Variants in GLYATL1 observed in about 807,000 individuals in gnomAD.
GLYATL1 encodes the protein glycine-N-acyltransferase like 1.
A neutral mutation model predicts 20.0 loss-of-function variants in GLYATL1; 15 were observed. That is an observed-to-expected ratio of 0.75 (90% CI 0.50 to 1.15). The LOEUF is 1.15. GLYATL1 is among the 50% of genes most tolerant of loss of function. GLYATL1 has a pLI of 0.00. For missense variants in GLYATL1, 380 were observed against 368.5 expected (o/e 1.03, Z -0.26); for synonymous variants, 151 against 131.5 (o/e 1.15, Z -1.01).
chr11:58,910,492 C>G (rs953766228), downstream of GLYATL1, among the ~76,000 whole-genome samples: 1 of 152,098 alleles, frequency 6.6e-6, no homozygotes, highest in East Asian at 1.9e-4. Flanking sequence ...ATATCAAATA[C>G]TTAAGAAATA....
Position 58,955,232 on chromosome 11 carries a change from A to T in GLYATL1, c.370A>T (p.Lys124Ter). ...AGTGGCTACATTTTCAAAGTCAGTG[A>T]AAGTAGAGCATTCGAGAGCACTCCT... is the stretch of plus-strand genomic sequence containing the variant. ...IRVATFSKSV[K>*]VEHSRALLLV... Residue 124 changes from lysine (K) to a stop codon, truncating the protein, a stop_gained, in exon 6 of 7, where the codon AAA (lysine) becomes TAA (stop). Coordinates refer to ENST00000532726, the MANE Select transcript of GLYATL1 (RefSeq NM_001389712.2). LOFTEE classifies it high-confidence loss of function. The T allele has an allele frequency of 6.2e-7, 1 of 1,614,138 alleles. No homozygotes were observed. The highest frequency in any genetic ancestry group is 8.5e-7 in the Non-Finnish European group (1 of 1,179,988).
chr11:58,946,477 T>C (rs758321365), intron 2 of GLYATL1, among the ~76,000 whole-genome samples: 17 of 152,272 alleles, frequency 1.1e-4, no homozygotes, highest in Non-Finnish European at 1.8e-4. Context: ...TTCTGAATGA[T>C]ATTTCAACAA....
At chr11:58,931,151 T>C (rs1419511481) in intron 1 of GLYATL1, among the ~76,000 whole-genome samples, 1 of 152,224 alleles carries the variant, frequency 6.6e-6, no homozygotes, top group Non-Finnish European at 1.5e-5. Flanking sequence ...CTGTTGGTGC[T>C]GTGAGGGAAA....
chr11:58,956,232 C>A lies in GLYATL1; in HGVS notation c.*205C>A, dbSNP rs76354000. 1.3e-3 allele frequency: 777 copies of A among 578,776 alleles called. 3 individuals are homozygous for A. The African/African-American group carries it at 0.013, about 10-fold the overall frequency. The allele number at this position is 578,776 out of a possible 1,614,324, so 35.9% of individuals were successfully genotyped here. Reference sequence around the variant, plus strand: ...GGCTGGAGGCAGGGGAGGGTATATTCTTTAAATATGCTTAAGTGTTATAGG... The same window carrying A: ...GGCTGGAGGCAGGGGAGGGTATATTATTTAAATATGCTTAAGTGTTATAGG... On this transcript the variant is annotated 3_prime_UTR_variant, in exon 7 of 7. Coordinates refer to ENST00000532726, the MANE Select transcript of GLYATL1 (RefSeq NM_001389712.2).
At chr11:58,946,866 T>C in intron 2 of GLYATL1, 180 bp from the exon 3 acceptor site, 1 of 633,060 alleles carries the variant, frequency 1.6e-6, no homozygotes, top group East Asian at 2.7e-5. Flanking sequence ...AATCTGACTC[T>C]GGCATTTATC....
chr11:58,956,135 A>G lies in GLYATL1; in HGVS notation c.*108A>G. The G allele has an allele frequency of 3.2e-6, 3 of 950,762 alleles. No homozygotes were observed. Among genetic ancestry groups the G allele is most frequent in the Non-Finnish European group, 4.8e-6 (3 of 630,332 alleles). 58.9% of individuals were successfully genotyped at this position (950,762 alleles called of 1,614,324 possible). On this transcript the variant is annotated 3_prime_UTR_variant, in exon 7 of 7. Transcript: ENST00000532726. ...AATGCATATTGGGCACTTATAATAC[A>G]GCAGGAACTCTTCTCACCTGGAGCC... is the stretch of plus-strand genomic sequence containing the variant.
At chr11:58,935,252 G>A (rs1036159269), upstream of GLYATL1, 9 of 152,398 alleles carry the variant, frequency 5.9e-5, no homozygotes, top group African/African-American at 1.9e-4. Flanking sequence ...TTAGTGTGCA[G>A]GTACTAGCCT....
exon 2 of GLYATL1, chr11:58,907,583 T>A (rs1854932258): frequency 2.9e-6 from 1 of 345,978 alleles, no homozygotes; most frequent in South Asian, 2.3e-5. Flanking sequence ...TCCTGACTAC[T>A]AGTTCTATCA....
chr11:58,907,406 A>G lies in GLYATL1; in HGVS notation n.404A>G, dbSNP rs141564121. On this transcript the variant is annotated non_coding_transcript_exon_variant, in exon 2 of 2. Coordinates refer to the GLYATL1 transcript ENST00000524629. ...TGGAGTGGAATTTAGGACGCATCTC[A>G]GTTGTCACCATCTTTAATTGCATGA... 603 of 456,184 alleles carry G rather than the reference A, an allele frequency of 1.3e-3. 7 individuals are homozygous for G. The highest frequency in any genetic ancestry group is 8.4e-3 in the African/African-American group (419 of 50,174). The allele number at this position is 456,184 out of a possible 1,614,324, so 28.3% of individuals were successfully genotyped here.
upstream of GLYATL1, chr11:58,927,554 C>G (rs548944569): frequency 6.6e-6 from 1 of 152,280 alleles, no homozygotes; most frequent in African/African-American, 2.4e-5. Context: ...ATGTGCCTCT[C>G]GCCCCTCCCC....
At chr11:58,928,417 G>C (rs574054982) in intron 1 of GLYATL1, 3 of 152,198 alleles carry the variant, frequency 2.0e-5, no homozygotes, top group Admixed American at 2.0e-4. Flanking sequence ...TCATGAAAGC[G>C]GTCCTTACAC....
At chr11:58,950,045 G>T (rs1856856129) in intron 4 of GLYATL1, among the ~76,000 whole-genome samples, 1 of 146,968 alleles carries the variant, frequency 6.8e-6, no homozygotes, top group Non-Finnish European at 1.5e-5. Context: ...ACTTTGGGAG[G>T]CCGAGGCAGG....
intron 1 of GLYATL1, among the ~76,000 whole-genome samples, chr11:58,941,909 A>G (rs1856186042): frequency 6.6e-6 from 1 of 152,192 alleles, no homozygotes; most frequent in South Asian, 2.1e-4. Context: ...GAGCATCCTC[A>G]TTTGTTATTG....
chr11:58,945,645 G>A (rs79655049), intron 2 of GLYATL1, among the ~76,000 whole-genome samples: 1 of 152,250 alleles, frequency 6.6e-6, no homozygotes, highest in East Asian at 1.9e-4. Context: ...GAAGACAATA[G>A]TGAAACACAT....
chr11:58,909,055 G>A (rs927637245), downstream of GLYATL1, among the ~76,000 whole-genome samples: 1 of 152,064 alleles, frequency 6.6e-6, no homozygotes, highest in African/African-American at 2.4e-5. Flanking sequence ...ACACTATTTT[G>A]TTCAAAATAT....
chr11:58,953,606 T>G (rs192791721), intron 4 of GLYATL1, among the ~76,000 whole-genome samples: 20 of 152,224 alleles, frequency 1.3e-4, no homozygotes, highest in Middle Eastern at 3.4e-3. Flanking sequence ...TTTTCTAGTT[T>G]ACTTTGATAT....
intron 1 of GLYATL1, among the ~76,000 whole-genome samples, chr11:58,942,342 T>C (rs1856218570): frequency 6.6e-6 from 1 of 152,186 alleles, no homozygotes; most frequent in Non-Finnish European, 1.5e-5. Flanking sequence ...TTCCAAGCTG[T>C]CCTCTTTAGA....
exon 2 of GLYATL1, chr11:58,908,441 T>C (rs188135039): frequency 1.7e-5 from 3 of 176,848 alleles, no homozygotes; most frequent in Admixed American, 1.6e-4. Flanking sequence ...CTAGTAGAAG[T>C]TAGTTATATT....
At chr11:58,924,106 A>G (rs1855369662), upstream of GLYATL1, among the ~76,000 whole-genome samples, 1 of 152,134 alleles carries the variant, frequency 6.6e-6, no homozygotes, top group South Asian at 2.1e-4. Context: ...CCTGCACACC[A>G]AGAGAGGTTT....
Sources: gnomAD v4.1 joint callset for allele counts (sites outside exome capture counted in the v4.1 genomes callset) on GRCh38, gnomAD v4.1.1 for gene constraint, MANE v1.5 for transcripts, NCBI Gene and HGNC (gene_info 2026-07-23, HGNC 2026-07-21) for gene names.